GALNT18: variants seen among roughly 807,000 people sequenced by gnomAD.
The protein encoded by GALNT18 is polypeptide N-acetylgalactosaminyltransferase 18.
A neutral mutation model predicts 69.5 loss-of-function variants in GALNT18; 44 were observed. That is an observed-to-expected ratio of 0.63 (90% confidence interval 0.50 to 0.81). The LOEUF is 0.81. GALNT18 is among the 40% of genes least tolerant of loss of function. GALNT18 has a pLI of 0.00. For synonymous variants in GALNT18, 364 were observed against 318.2 expected, an observed-to-expected ratio of 1.14 and a Z score of -1.53; for missense variants, 715 against 810.0, an observed-to-expected ratio of 0.88 and a Z score of 1.42.
At chr11:11,277,098 C>T (rs564746777) in intron 10 of GALNT18, among the ~76,000 whole-genome samples, 1 of 152,172 alleles carries the variant, frequency 6.6e-6, no homozygotes, top group Non-Finnish European at 1.5e-5. Context: ...ACCAGCAACT[C>T]TTTGTGCCTC....
At position 11,584,784 on chromosome 11, in the gene GALNT18, A is replaced by C. The variant is rs1383035869; in HGVS notation, c.235+36575T>G. Among the ~76,000 whole-genome samples, 1 of 151,542 alleles carries C rather than the reference A, an allele frequency of 6.6e-6. No individual in the cohort carries two copies. The highest frequency in any genetic ancestry group is 1.5e-5 in the Non-Finnish European group (1 of 68,002). On this transcript the variant is annotated intron_variant, in intron 1 of 10. Transcript: ENST00000227756. The surrounding 1 kb of genome is among the most constrained non-coding windows in gnomAD (Gnocchi z 4.1). ...GAACTACGTACTTTTTTCATGAAAC[A>C]CTATTTTCACTTAAAAGAACAACTG...
At chr11:11,433,573 C>T (rs978018190) in intron 2 of GALNT18, among the ~76,000 whole-genome samples, 1 of 152,230 alleles carries the variant, frequency 6.6e-6, no homozygotes, top group Non-Finnish European at 1.5e-5. Flanking sequence ...TTCCCCTTAG[C>T]TCTGCTGAAA....
intron 1 of GALNT18, among the ~76,000 whole-genome samples, chr11:11,514,153 A>T (rs4641464): frequency 0.53 from 81,128 of 152,102 alleles, 22,004 homozygotes; most frequent in East Asian, 0.83. Context: ...ACATCACAGA[A>T]GAGGAAACTG....
At chr11:11,368,447 G>A (rs1252581898) in intron 6 of GALNT18, among the ~76,000 whole-genome samples, 1 of 152,054 alleles carries the variant, frequency 6.6e-6, no homozygotes, top group East Asian at 1.9e-4. Context: ...ATCCTCTCTG[G>A]AGAAAGAGGA....
At chr11:11,373,470 G>C (rs1054397544) in intron 5 of GALNT18, among the ~76,000 whole-genome samples, 4 of 152,206 alleles carry the variant, frequency 2.6e-5, no homozygotes, top group African/African-American at 9.6e-5. Flanking sequence ...TCAATACAGG[G>C]GCACAGGAGA....
intron 1 of GALNT18, among the ~76,000 whole-genome samples, chr11:11,516,397 C>T (rs114277459): frequency 0.062 from 9,371 of 152,180 alleles, 326 homozygotes; most frequent in Middle Eastern, 0.078. Context: ...TTCAGGAGGC[C>T]TAAGTGGGAA....
Position 11,618,438 on chromosome 11 carries a change from G to T in GALNT18, c.235+2921C>A, listed in dbSNP as rs1860111193. 6.6e-6 allele frequency among the ~76,000 whole-genome samples: 1 copy of T among 152,176 alleles called. No homozygotes were observed. Among genetic ancestry groups the T allele is most frequent in the African/African-American group, 2.4e-5 (1 of 41,438 alleles). The stretch of plus-strand genomic sequence containing the variant: ...AAAGGACTGGAACCTCTGCCTCTTG[G>T]CATGAAACAAAGCAAAACCTGAGTT... On this transcript the variant is annotated intron_variant, in intron 1 of 10. Coordinates refer to ENST00000227756, the MANE Select transcript of GALNT18 (RefSeq NM_198516.3). The surrounding 1 kb of genome is among the most constrained non-coding windows in gnomAD (Gnocchi z 6.1).
At chr11:11,302,108 C>T (rs1158655112) in intron 9 of GALNT18, among the ~76,000 whole-genome samples, 2 of 152,160 alleles carry the variant, frequency 1.3e-5, no homozygotes, top group Non-Finnish European at 1.5e-5. Context: ...AATGATAGTG[C>T]CAATGGGATG....
rs192798576 is a variant in GALNT18 at position 11,596,767 on chromosome 11, G to A, written c.235+24592C>T. Among the ~76,000 whole-genome samples, 1 of 152,096 alleles carries A rather than the reference G, an allele frequency of 6.6e-6. No homozygotes were observed. The highest frequency in any genetic ancestry group is 1.9e-4 in the East Asian group (1 of 5,170). ...AACTGATTTTTAGTGGATTCCCTAG[G>A]ATACATGATTATGTCATCTGCAAAC... On this transcript the variant is annotated intron_variant, in intron 1 of 10. Transcript: ENST00000227756. This position sits in a 1 kb window ranked among gnomAD's most constrained non-coding sequence, Gnocchi z 4.2.
rs185438813 is a variant in GALNT18, at chr11:11,517,835, C to T, written c.236-68899G>A. 3.3e-3 allele frequency among the ~76,000 whole-genome samples: 497 copies of T among 152,268 alleles called. 1 individual carries two copies. The highest frequency in any genetic ancestry group is 6.8e-3 in the Middle Eastern group (2 of 294). ...TCAGAAGAAGGCTTGACAAACTATTCTAACCAAAGTAAGAACACTGATAAC... is the reference window on the plus strand; with the variant it reads ...TCAGAAGAAGGCTTGACAAACTATTTTAACCAAAGTAAGAACACTGATAAC... On this transcript the variant is annotated intron_variant, in intron 1 of 10. Transcript: ENST00000227756.
rs2133042552 is a variant in GALNT18 at position 11,325,648 on chromosome 11, A to C, written c.1512+1438T>G. ...TCTTATTTTTGATCTGGGTGTATTC[A>C]CTCTGGAAATTGATTAAGCTGTACA... is the stretch of plus-strand genomic sequence containing the variant. On this transcript the variant is annotated intron_variant, in intron 9 of 10. Coordinates refer to ENST00000227756, the MANE Select transcript of GALNT18 (RefSeq NM_198516.3). Among the ~76,000 whole-genome samples the C allele has an allele frequency of 2.0e-5, 3 of 152,306 alleles. 1 individual carries two copies. The Middle Eastern group carries it at 0.01, about 518-fold the overall frequency.
intron 2 of GALNT18, among the ~76,000 whole-genome samples, chr11:11,446,669 C>T (rs2133816537): frequency 6.6e-6 from 1 of 152,360 alleles, no homozygotes; most frequent in Non-Finnish European, 1.5e-5. Context: ...CAGGCCACCA[C>T]TGCCTCTCAC....
rs1856039609 is a variant in GALNT18 at position 11,461,363 on chromosome 11, TAA to T, written c.236-12429_236-12428del. On this transcript the variant is annotated intron_variant, in intron 1 of 10. Transcript: ENST00000227756. This position sits in a 1 kb window ranked among gnomAD's most constrained non-coding sequence, Gnocchi z 4.1. Reference sequence around the variant, plus strand: ...AATTATGCAGAATGAAAGCTGCTATTAAAGGGTCAAGTTTTTACACTCCATGC... The same window carrying T: ...AATTATGCAGAATGAAAGCTGCTATTAGGGTCAAGTTTTTACACTCCATGC... Among the ~76,000 whole-genome samples, 1 of 152,186 alleles carries T rather than the reference TAA, an allele frequency of 6.6e-6. No individual in the cohort carries two copies. The highest frequency in any genetic ancestry group is 1.5e-5 in the Non-Finnish European group (1 of 68,032).
chr11:11,275,062 T>A (rs1265004651), intron 10 of GALNT18, among the ~76,000 whole-genome samples: 2 of 152,264 alleles, frequency 1.3e-5, no homozygotes, highest in African/African-American at 4.8e-5. Context: ...ACATACCCAG[T>A]GATGGGACCG....
intron 3 of GALNT18, among the ~76,000 whole-genome samples, chr11:11,395,798 G>A (rs1854312215): frequency 6.6e-6 from 1 of 152,240 alleles, no homozygotes; most frequent in Non-Finnish European, 1.5e-5. Context: ...GATGAAGGAA[G>A]ATGGCACGAA....
At chr11:11,397,049 T>C (rs1322634500) in intron 3 of GALNT18, among the ~76,000 whole-genome samples, 5 of 152,084 alleles carry the variant, frequency 3.3e-5, no homozygotes, top group African/African-American at 1.2e-4. Context: ...CACACACATA[T>C]CTACATACAC....
At chr11:11,384,484 A>G (rs1325645862) in intron 3 of GALNT18, among the ~76,000 whole-genome samples, 2 of 152,120 alleles carry the variant, frequency 1.3e-5, no homozygotes, top group African/African-American at 2.4e-5. Flanking sequence ...AAGAGCCTTA[A>G]TCTCATGAAC....
intron 10 of GALNT18, among the ~76,000 whole-genome samples, chr11:11,288,136 ACCTTCC>A (rs1258160199): frequency 6.6e-6 from 1 of 151,990 alleles, no homozygotes; most frequent in Non-Finnish European, 1.5e-5. Context: ...CTACTTAAGA[ACCTTCC>A]CCATTCCTTC....
chr11:11,530,106 G>T (rs1457831931), intron 1 of GALNT18, among the ~76,000 whole-genome samples: 1 of 152,090 alleles, frequency 6.6e-6, no homozygotes, highest in Non-Finnish European at 1.5e-5. Flanking sequence ...CCCAACACAG[G>T]CTCATTCACA....
Sources: gnomAD v4.1 joint callset for allele counts (sites outside exome capture counted in the v4.1 genomes callset) on GRCh38, gnomAD v4.1.1 for gene constraint, Gnocchi (gnomAD v3.1) non-coding constraint, MANE v1.5 for transcripts, NCBI Gene and HGNC (gene_info 2026-07-23, HGNC 2026-07-21) for gene names.